The following PMS1 variants were observed in gnomAD, a reference collection of about 807,000 sequenced individuals.
PMS1 encodes the protein PMS1 homolog 1, mismatch repair system component.
Under a neutral mutation model 93.1 loss-of-function variants are expected in PMS1, and 79 were observed. The observed-to-expected ratio is 0.85, with a 90% CI of 0.71 to 1.02. PMS1 has a LOEUF of 1.02. Ranked by LOEUF, PMS1 falls within the 50% of genes least tolerant of loss-of-function variation. The pLI, the probability that PMS1 is intolerant of heterozygous loss-of-function variation, is 0.00. For synonymous variants in PMS1, 335 were observed against 363.4 expected (o/e 0.92, Z 0.89); for missense variants, 1,064 against 1,085.3 (o/e 0.98, Z 0.28).
chr2:189,799,929 A>G (rs5743001), intron 3 of PMS1, among the ~76,000 whole-genome samples: 581 of 152,334 alleles, frequency 3.8e-3, no homozygotes, highest in Admixed American at 0.011. Flanking sequence ...ACTAATCTCC[A>G]TCTCAGAATG....
Position 189,867,877 on chromosome 2 carries a change from C to A in PMS1, c.2421C>A (p.Tyr807Ter). ...ACCAAAGATACAGTGGATCAACTTA[C>A]CTGTCTGATCCTCGTCTTACAGCGA... ...ADDQRYSGST[Y>*]LSDPRLTANG... Residue 807 changes from tyrosine (Y) to a stop codon, truncating the protein, a stop_gained, in exon 11 of 13, where the codon TAC becomes TAA. Coordinates refer to ENST00000441310, the MANE Select transcript of PMS1 (RefSeq NM_000534.5). LOFTEE classifies it high-confidence loss of function. 1 of 1,597,014 alleles carries A rather than the reference C, an allele frequency of 6.3e-7. No individual in the cohort carries two copies. Among genetic ancestry groups the A allele is most frequent in the Non-Finnish European group, 8.6e-7 (1 of 1,164,608 alleles).
chr2:189,830,350 A>G (rs1446421808), intron 5 of PMS1, among the ~76,000 whole-genome samples: 1 of 152,024 alleles, frequency 6.6e-6, no homozygotes, highest in African/African-American at 2.4e-5. Context: ...CCAGCTCAGG[A>G]CTGTCGCATT....
At chr2:189,793,043 C>A (rs755112201) in intron 2 of PMS1, among the ~76,000 whole-genome samples, 3 of 152,128 alleles carry the variant, frequency 2.0e-5, no homozygotes, top group Admixed American at 6.5e-5. Flanking sequence ...CTCCTGACCT[C>A]AGGTGATCCG....
intron 4 of PMS1, among the ~76,000 whole-genome samples, chr2:189,815,206 G>A (rs1339741101): frequency 1.3e-5 from 2 of 152,030 alleles, no homozygotes; most frequent in Non-Finnish European, 2.9e-5. Flanking sequence ...AAACAATTCT[G>A]ATGTCCTCTA....
intron 5 of PMS1, among the ~76,000 whole-genome samples, chr2:189,822,227 C>T (rs1463491909): frequency 6.6e-6 from 1 of 152,140 alleles, no homozygotes; most frequent in Non-Finnish European, 1.5e-5. Context: ...GCACCCTGGT[C>T]GGGGAGAGTC....
chr2:189,835,645 C>T (rs2053314491), intron 5 of PMS1, among the ~76,000 whole-genome samples: 1 of 151,810 alleles, frequency 6.6e-6, no homozygotes, highest in African/African-American at 2.4e-5. Flanking sequence ...AAGAAATTTG[C>T]CTGGGTATGG....
intron 3 of PMS1, 111 bp from the exon 4 acceptor site, chr2:189,805,541 T>C: frequency 2.3e-6 from 2 of 886,410 alleles, no homozygotes; most frequent in Non-Finnish European, 1.8e-6. Flanking sequence ...GTTTATTAGG[T>C]AAAATACGCT....
intron 5 of PMS1, among the ~76,000 whole-genome samples, chr2:189,837,317 C>T (rs2053472412): frequency 6.6e-6 from 1 of 151,614 alleles, no homozygotes; most frequent in Admixed American, 6.6e-5. Context: ...TTTATAGAAA[C>T]AGGGTCACAC....
At chr2:189,858,104 T>G (rs1035530005) in intron 9 of PMS1, among the ~76,000 whole-genome samples, 1 of 152,144 alleles carries the variant, frequency 6.6e-6, no homozygotes, top group African/African-American at 2.4e-5. Context: ...TGTTCAGTTT[T>G]CTGATGAGAG....
chr2:189,845,191 T>A (rs564110871), intron 6 of PMS1, among the ~76,000 whole-genome samples: 47 of 152,278 alleles, frequency 3.1e-4, no homozygotes, highest in African/African-American at 1.1e-3. Context: ...TTTTAAGTCT[T>A]CTATCTTTTG....
intron 5 of PMS1, among the ~76,000 whole-genome samples, chr2:189,840,778 GA>G (rs1282867398): frequency 6.6e-6 from 1 of 152,200 alleles, no homozygotes; most frequent in African/African-American, 2.4e-5. Context: ...TAGGATGCTA[GA>G]ATAGTAGCTT....
intron 1 of PMS1, among the ~76,000 whole-genome samples, chr2:189,787,603 A>ATTTTTTTTTTTTTTTTTTTTTTTTT (rs11413317): frequency 6.7e-6 from 1 of 149,130 alleles, no homozygotes; most frequent in Non-Finnish European, 1.5e-5. Context: ...TCACTTTTTT[A>ATTTTTTTTTTTTTTTTTTTTTTTTT]TTTTTTTTTT....
intron 5 of PMS1, among the ~76,000 whole-genome samples, chr2:189,829,754 G>A (rs755006663): frequency 6.6e-6 from 1 of 152,062 alleles, no homozygotes; most frequent in Non-Finnish European, 1.5e-5. Context: ...GTTATTCTTC[G>A]CTACTGATTC....
rs1455094665 is a variant in PMS1, at chr2:189,854,774, G to A, written c.1502G>A (p.Gly501Glu). Residue 501 changes from glycine (G) to glutamate (E), a missense_variant, in exon 9 of 13, where the codon GGA becomes GAA. Physicochemically the swap from Gly to Glu is moderately conservative, Grantham distance 98. Coordinates refer to ENST00000441310, the MANE Select transcript of PMS1 (RefSeq NM_000534.5). ...SEISADEWSRGNILKNSVGEN... is the reference protein window; with the variant it reads ...SEISADEWSRENILKNSVGEN... ...ATTTCTGCAGATGAGTGGAGCAGGGGAAATATACTTAAAAATTCAGTGGGA... is the reference window on the plus strand; with the variant it reads ...ATTTCTGCAGATGAGTGGAGCAGGGAAAATATACTTAAAAATTCAGTGGGA... 1 of 1,613,608 alleles carries A rather than the reference G, an allele frequency of 6.2e-7. No homozygotes were observed. Among genetic ancestry groups the A allele is most frequent in the Non-Finnish European group, 8.5e-7 (1 of 1,179,770 alleles).
chr2:189,864,664 A>AC (rs1411897410), intron 10 of PMS1, among the ~76,000 whole-genome samples: 1 of 27,034 alleles, frequency 3.7e-5, no homozygotes, highest in African/African-American at 1.7e-4. Flanking sequence ...TCAGAAAAAA[A>AC]AAAAAAAAAA....
intron 5 of PMS1, among the ~76,000 whole-genome samples, chr2:189,825,718 A>T (rs2052372099): frequency 6.6e-6 from 1 of 152,244 alleles, no homozygotes; most frequent in Non-Finnish European, 1.5e-5. Flanking sequence ...GATGTCATTG[A>T]TAAAAGAAGG....
chr2:189,798,452 G>A (rs562998592), intron 3 of PMS1, among the ~76,000 whole-genome samples: 4 of 152,232 alleles, frequency 2.6e-5, no homozygotes, highest in South Asian at 2.1e-4. Flanking sequence ...TCTTAAAACC[G>A]CTGTCCAAAA....
intron 11 of PMS1, among the ~76,000 whole-genome samples, chr2:189,870,348 G>GA (rs911874962): frequency 1.5e-4 from 23 of 152,242 alleles, no homozygotes; most frequent in African/African-American, 5.5e-4. Flanking sequence ...GTGACTCTAA[G>GA]AACTTTGCAT....
rs2055131657 is a variant in PMS1 at position 189,854,681 on chromosome 2, G to A, written c.1409G>A (p.Gly470Asp). The A allele has an allele frequency of 6.2e-7, 1 of 1,613,812 alleles. No individual in the cohort carries two copies. The highest frequency in any genetic ancestry group is 8.5e-7 in the Non-Finnish European group (1 of 1,179,810). ...GTTAAGCACACCCAGTCAGAAAATGGCAATAAAGACCATATAGATGAGAGT... is the reference window on the plus strand; with the variant it reads ...GTTAAGCACACCCAGTCAGAAAATGACAATAAAGACCATATAGATGAGAGT... ...SSVKHTQSEN[G>D]NKDHIDESGE... Residue 470 changes from glycine (G) to aspartate (D), a missense_variant, in exon 9 of 13, where the codon GGC becomes GAC. Physicochemically the swap from Gly to Asp is moderately conservative, Grantham distance 94 (BLOSUM62 -1). Transcript: ENST00000441310.
Sources: gnomAD v4.1 joint callset for allele counts (sites outside exome capture counted in the v4.1 genomes callset) on GRCh38, gnomAD v4.1.1 for gene constraint, MANE v1.5 for transcripts, NCBI Gene and HGNC (gene_info 2026-07-23, HGNC 2026-07-21) for gene names.